The following ORC5 variants were observed in gnomAD, a reference collection of about 807,000 sequenced individuals.
The protein encoded by ORC5 is protein phosphatase 1, regulatory subunit 117.
A neutral mutation model predicts 58.8 loss-of-function variants in ORC5; 39 were observed. That is an observed-to-expected ratio of 0.66 (90% CI 0.51 to 0.87). The LOEUF is 0.87. Ranked by LOEUF, ORC5 falls within the 40% of genes least tolerant of loss-of-function variation. The pLI is 0.00. For missense variants in ORC5, 493 were observed against 506.3 expected (o/e 0.97, Z 0.25); for synonymous variants, 218 against 177.6 (o/e 1.23, Z -1.81).
intron 12 of ORC5, among the ~76,000 whole-genome samples, chr7:104,155,990 A>T (rs78067966): frequency 0.045 from 6,776 of 151,838 alleles, 500 homozygotes; most frequent in African/African-American, 0.15. Flanking sequence ...CAAAATCATA[A>T]CTGATCAAAT....
chr7:104,168,323 T>C (rs1799142064), intron 9 of ORC5, 150 bp downstream of exon 9: 2 of 1,255,654 alleles, frequency 1.6e-6, no homozygotes, highest in Non-Finnish European at 1.0e-6. Context: ...TAAAGAAAAA[T>C]CATTAATCAA....
chr7:104,181,771 G>A lies in ORC5; in HGVS notation c.824+2172C>T, dbSNP rs892510551. The stretch of plus-strand genomic sequence containing the variant: ...CGCGCCACTGCACTCCAGCCTGGGC[G>A]ACAGAGCGAGACTCCGTCTCAAAAA... On this transcript the variant is annotated intron_variant, in intron 8 of 13. Transcript: ENST00000297431. 1.7e-4 allele frequency among the ~76,000 whole-genome samples: 24 copies of A among 144,494 alleles called. No homozygotes were observed. In the Middle Eastern group the frequency reaches 0.011, roughly 68 times the overall value. 94.8% of individuals were successfully genotyped at this position (144,494 alleles called of 152,430 possible). A position where few individuals can be genotyped will look rare whatever the true frequency, so the allele number is the denominator to read the frequency against.
At chr7:104,207,803 AG>A in intron 1 of ORC5, 29 bp downstream of exon 1, 4 of 1,597,422 alleles carry the variant, frequency 2.5e-6, no homozygotes, top group Non-Finnish European at 3.4e-6. Flanking sequence ...GTCTGCCTCC[AG>A]GATCTGGAAG....
intron 1 of ORC5, among the ~76,000 whole-genome samples, chr7:104,207,406 T>G (rs912664515): frequency 6.6e-6 from 1 of 151,314 alleles, no homozygotes; most frequent in Non-Finnish European, 1.5e-5. Context: ...TGGCCCTTAG[T>G]GGCCTTGAAA....
chr7:104,175,780 T>C (rs1013992652), intron 8 of ORC5, among the ~76,000 whole-genome samples: 3 of 152,172 alleles, frequency 2.0e-5, no homozygotes, highest in African/African-American at 7.2e-5. Flanking sequence ...AAAACCACCC[T>C]GCTAAAACGC....
chr7:104,188,507 A>G, intron 5 of ORC5, 126 bp from the exon 6 acceptor site: 1 of 607,132 alleles, frequency 1.6e-6, no homozygotes, highest in African/African-American at 1.8e-5. Flanking sequence ...GGAATAATAA[A>G]ACTATTACAA....
intron 12 of ORC5, among the ~76,000 whole-genome samples, chr7:104,160,365 C>A (rs1182778626): frequency 5.9e-5 from 9 of 152,106 alleles, no homozygotes; most frequent in South Asian, 2.1e-4. Flanking sequence ...AAACAAAATG[C>A]TCACTGCAAT....
chr7:104,144,450 T>C (rs964904141), intron 12 of ORC5, among the ~76,000 whole-genome samples: 7 of 152,056 alleles, frequency 4.6e-5, no homozygotes, highest in African/African-American at 1.7e-4. Context: ...GGACTTACTC[T>C]AGGTACTGTG....
chr7:104,204,990 GAACA>G (rs1307984789), intron 1 of ORC5, among the ~76,000 whole-genome samples: 3 of 149,560 alleles, frequency 2.0e-5, no homozygotes, highest in Admixed American at 2.0e-4. Flanking sequence ...GTACTGAAGA[GAACA>G]AATAACAGTA....
chr7:104,145,998 C>G (rs1295185996), intron 12 of ORC5, among the ~76,000 whole-genome samples: 1 of 152,194 alleles, frequency 6.6e-6, no homozygotes, highest in African/African-American at 2.4e-5. Flanking sequence ...ACGGAAGAAT[C>G]TGTCACTAGC....
intron 1 of ORC5, among the ~76,000 whole-genome samples, chr7:104,204,983 C>T (rs1263789100): frequency 1.3e-5 from 2 of 150,856 alleles, no homozygotes; most frequent in Non-Finnish European, 2.9e-5. Context: ...CCATGAGGTA[C>T]TGAAGAGAAC....
intron 3 of ORC5, among the ~76,000 whole-genome samples, chr7:104,199,969 C>T (rs1247577066): frequency 6.6e-6 from 1 of 152,176 alleles, no homozygotes; most frequent in Non-Finnish European, 1.5e-5. Flanking sequence ...AGTGAGCTCA[C>T]ATCTGATCTG....
At chr7:104,177,407 A>C (rs574647981) in intron 8 of ORC5, among the ~76,000 whole-genome samples, 1 of 152,270 alleles carries the variant, frequency 6.6e-6, no homozygotes, top group East Asian at 1.9e-4. Flanking sequence ...AAAATTGCTC[A>C]TATCTATAAA....
chr7:104,184,110 A>T lies in ORC5; in HGVS notation c.733+13T>A, dbSNP rs756191361. ...CTCAAAATAAATATTAATGAGTAAA[A>T]TTACACAGTTACCTTCTCCTTTAAC... On this transcript the variant is annotated intron_variant, in intron 7 of 13. Transcript: ENST00000297431. 1 of 1,592,418 alleles carries T rather than the reference A, an allele frequency of 6.3e-7. No individual in the cohort carries two copies. Among genetic ancestry groups the T allele is most frequent in the Non-Finnish European group, 8.6e-7 (1 of 1,164,360 alleles).
intron 12 of ORC5, among the ~76,000 whole-genome samples, chr7:104,148,721 G>C (rs1798799657): frequency 6.6e-6 from 1 of 152,160 alleles, no homozygotes; most frequent in African/African-American, 2.4e-5. Context: ...TTAAATTGCT[G>C]TTTTTAAGGT....
At chr7:104,174,980 T>TCTC (rs1032337059) in intron 8 of ORC5, among the ~76,000 whole-genome samples, 2 of 152,168 alleles carry the variant, frequency 1.3e-5, no homozygotes, top group Non-Finnish European at 2.9e-5. Context: ...CATATAAAAC[T>TCTC]CTAAGTAAAA....
intron 12 of ORC5, among the ~76,000 whole-genome samples, chr7:104,146,601 A>G (rs1798756340): frequency 6.6e-6 from 1 of 152,210 alleles, no homozygotes; most frequent in African/African-American, 2.4e-5. Flanking sequence ...AATTCTTGAA[A>G]TGACAAAATT....
intron 4 of ORC5, 101 bp downstream of exon 4, chr7:104,197,624 A>T: frequency 1.5e-6 from 1 of 660,714 alleles, no homozygotes; most frequent in South Asian, 2.2e-5. Flanking sequence ...AAATTATATT[A>T]AAATACTAAT....
intron 2 of ORC5, among the ~76,000 whole-genome samples, chr7:104,201,482 G>A (rs754801468): frequency 4.0e-5 from 6 of 151,814 alleles, no homozygotes; most frequent in Non-Finnish European, 7.4e-5. Context: ...TCTTTCTTAT[G>A]GAAATTCAAA....
Sources: allele counts gnomAD v4.1 joint callset (sites outside exome capture counted in the v4.1 genomes callset), GRCh38; gene constraint gnomAD v4.1.1; transcripts MANE v1.5; gene names NCBI Gene and HGNC (gene_info 2026-07-23, HGNC 2026-07-21).